The following PSD3 variants were observed in gnomAD, a reference collection of about 807,000 sequenced individuals.
PSD3 encodes the protein pleckstrin and Sec7 domain containing 3, also known as PH and SEC7 domain-containing protein 3.
A neutral mutation model predicts 105.5 loss-of-function variants in PSD3; 49 were observed. The ratio of observed to expected loss-of-function variants is 0.46; its 90% CI spans 0.37 to 0.59. The LOEUF (loss-of-function observed/expected upper bound fraction) is 0.59. Ranked by LOEUF, PSD3 falls within the 20% of genes least tolerant of loss-of-function variation. The pLI is 0.00. For missense variants in PSD3, 1,561 were observed against 1,263.8 expected, an observed-to-expected ratio of 1.24 and a Z score of -3.57; for synonymous variants, 557 against 457.8, an observed-to-expected ratio of 1.22 and a Z score of -2.77.
chr8:19,069,191 C>G lies in PSD3; in HGVS notation c.324+15015G>C, dbSNP rs573126151. On this transcript the variant is annotated intron_variant, in intron 1 of 1. Coordinates refer to the PSD3 transcript ENST00000521475. ...ATCTTTACAATGGTTCTCATAAATG[C>G]TATTCATTTTCATCTGCAGTTTCAA... is the stretch of plus-strand genomic sequence containing the variant. Among the ~76,000 whole-genome samples the G allele has an allele frequency of 7.2e-5, 11 of 152,312 alleles. No individual in the cohort carries two copies. In the South Asian group the frequency reaches 1.2e-3, roughly 17 times the overall value.
intron 1 of PSD3, among the ~76,000 whole-genome samples, chr8:19,071,145 C>A (rs578238272): frequency 6.6e-6 from 1 of 151,808 alleles, no homozygotes; most frequent in Admixed American, 6.6e-5. Flanking sequence ...CTGCAACCTC[C>A]GCCTCCTGGG....
At chr8:18,735,142 C>G (rs149086219) in intron 9 of PSD3, among the ~76,000 whole-genome samples, 296 of 152,190 alleles carry the variant, frequency 1.9e-3, no homozygotes, top group African/African-American at 6.9e-3. Flanking sequence ...GGAATAATCA[C>G]CAAAAATCCC....
At chr8:18,703,980 G>T (rs1343075389) in intron 9 of PSD3, among the ~76,000 whole-genome samples, 1 of 151,230 alleles carries the variant, frequency 6.6e-6, no homozygotes, top group Admixed American at 6.6e-5. Context: ...CACGAAAAAG[G>T]GAAAAAAAAG....
At chr8:18,564,612 G>C (rs562556309) in intron 14 of PSD3, among the ~76,000 whole-genome samples, 24 of 148,156 alleles carry the variant, frequency 1.6e-4, no homozygotes, top group African/African-American at 5.8e-4. Context: ...CTGGGTGATA[G>C]AGTGAGACCT....
chr8:18,736,821 T>C (rs1412708809), intron 9 of PSD3, among the ~76,000 whole-genome samples: 1 of 152,190 alleles, frequency 6.6e-6, no homozygotes, highest in Non-Finnish European at 1.5e-5. Flanking sequence ...TTATTATTTG[T>C]TTTTCCAAAG....
At chr8:18,585,663 G>A (rs574192159) in intron 12 of PSD3, among the ~76,000 whole-genome samples, 3 of 152,118 alleles carry the variant, frequency 2.0e-5, no homozygotes, top group South Asian at 2.1e-4. Flanking sequence ...AATCAAGAAA[G>A]GACTAAAAGA....
At chr8:18,827,080 T>C (rs1421917121) in intron 4 of PSD3, among the ~76,000 whole-genome samples, 1 of 152,158 alleles carries the variant, frequency 6.6e-6, no homozygotes, top group Admixed American at 6.5e-5. Context: ...CTCACTGATA[T>C]CAGTTACCAA....
rs187298427 is a variant in PSD3, at chr8:18,792,750, T to C, written c.2082+6545A>G. On this transcript the variant is annotated intron_variant, in intron 8 of 15. Coordinates refer to ENST00000327040, the MANE Select transcript of PSD3 (RefSeq NM_015310.4). ...GTGGGACTGTAAACTAGTTCAACCA[T>C]TGTGGAAGACACTGTGGAGATTCCT... is the stretch of plus-strand genomic sequence containing the variant. 1.8e-4 allele frequency among the ~76,000 whole-genome samples: 28 copies of C among 152,290 alleles called. 1 individual carries two copies. The highest frequency in any genetic ancestry group is 6.7e-4 in the African/African-American group (28 of 41,568).
At chr8:18,977,257 C>T (rs373903987) in intron 1 of PSD3, among the ~76,000 whole-genome samples, 1 of 53,936 alleles carries the variant, frequency 1.9e-5, no homozygotes, top group African/African-American at 6.4e-5. Flanking sequence ...AACACCCTAT[C>T]TCAAAAAAAA....
At chr8:18,687,103 A>T (rs1377985300) in intron 9 of PSD3, among the ~76,000 whole-genome samples, 2 of 152,170 alleles carry the variant, frequency 1.3e-5, no homozygotes, top group Non-Finnish European at 2.9e-5. Context: ...GCTGTCAAAT[A>T]AAGGAACTAC....
intron 14 of PSD3, among the ~76,000 whole-genome samples, chr8:18,561,003 T>C (rs957367986): frequency 1.3e-5 from 2 of 152,144 alleles, no homozygotes; most frequent in Non-Finnish European, 2.9e-5. Context: ...ACAAATGCTG[T>C]CAGGAAAATC....
intron 11 of PSD3, among the ~76,000 whole-genome samples, chr8:18,631,348 T>C (rs1312336889): frequency 6.6e-6 from 1 of 151,954 alleles, no homozygotes. Flanking sequence ...GGGCTGTCAA[T>C]CACAATATTC....
chr8:18,949,236 AAAAAAAAAATATATATATATAT>A (rs1425401796), intron 1 of PSD3, among the ~76,000 whole-genome samples: 1 of 54,446 alleles, frequency 1.8e-5, no homozygotes, highest in Non-Finnish European at 4.1e-5. Flanking sequence ...AAAAAAAAAA[AAAAAAAAAATATATATATATAT>A]ATATATATAT....
intron 12 of PSD3, among the ~76,000 whole-genome samples, chr8:18,577,150 T>A (rs1479280007): frequency 6.6e-6 from 1 of 151,974 alleles, no homozygotes; most frequent in Non-Finnish European, 1.5e-5. Flanking sequence ...TAGTTTTAAT[T>A]TTTTATCTCT....
At chr8:18,754,416 A>G (rs1805858923) in intron 9 of PSD3, among the ~76,000 whole-genome samples, 1 of 152,162 alleles carries the variant, frequency 6.6e-6, no homozygotes, top group Non-Finnish European at 1.5e-5. Context: ...CCACTTAAAA[A>G]TTTATGTAAT....
chr8:18,605,515 C>T (rs145753546), intron 11 of PSD3, among the ~76,000 whole-genome samples: 146 of 152,222 alleles, frequency 9.6e-4, no homozygotes, highest in African/African-American at 3.3e-3. Context: ...TCTCAGATGA[C>T]ACTTCAGACT....
intron 8 of PSD3, among the ~76,000 whole-genome samples, chr8:18,779,988 C>A (rs1808453047): frequency 6.6e-6 from 1 of 152,148 alleles, no homozygotes; most frequent in Non-Finnish European, 1.5e-5. Flanking sequence ...GATGACTTGG[C>A]TAGATGATCA....
rs57891868 is a variant in PSD3 at position 19,074,584 on chromosome 8, G to GAT, written c.324+9620_324+9621dup. Among the ~76,000 whole-genome samples the GAT allele has an allele frequency of 6.2e-3, 617 of 99,418 alleles. 22 individuals are homozygous for GAT. The highest frequency in any genetic ancestry group is 0.018 in the African/African-American group (475 of 26,722). 65.2% of individuals were successfully genotyped at this position (99,418 alleles called of 152,430 possible). The stretch of plus-strand genomic sequence containing the variant: ...ATAAAAGGTATAATTTTACAACTCA[G>GAT]ATATATACATATATATATATATATA... On this transcript the variant is annotated intron_variant, in intron 1 of 1. Coordinates refer to the PSD3 transcript ENST00000521475.
Position 18,998,893 on chromosome 8 carries a change from G to A in PSD3, c.21+14670C>T, listed in dbSNP as rs568835873. Among the ~76,000 whole-genome samples, 3 of 151,738 alleles carry A rather than the reference G, an allele frequency of 2.0e-5. 1 individual carries two copies. The highest frequency in any genetic ancestry group is 4.4e-5 in the Non-Finnish European group (3 of 67,920). ...AACTTCTGGACTCAAGTACAAGACA[G>A]AAAAAAACGTTTTTGTTATACTTTA... On this transcript the variant is annotated intron_variant, in intron 1 of 15. Transcript: ENST00000327040.
Sources: allele counts gnomAD v4.1 joint callset (sites outside exome capture counted in the v4.1 genomes callset), GRCh38; gene constraint gnomAD v4.1.1; transcripts MANE v1.5; gene names NCBI Gene and HGNC (gene_info 2026-07-23, HGNC 2026-07-21).